The following DOK5 variants were observed in gnomAD, a reference collection of about 807,000 sequenced individuals.
The protein encoded by DOK5 is downstream of tyrosine kinase 5.
DOK5 carries 27 observed loss-of-function variants against 43.3 expected under a neutral mutation model. The ratio of observed to expected loss-of-function variants is 0.62; its 90% CI spans 0.46 to 0.86. The LOEUF (loss-of-function observed/expected upper bound fraction) is 0.86. Among genes scored for constraint, DOK5 ranks in the 40% least tolerant of loss-of-function variants. DOK5 has a pLI of 0.00. For missense variants in DOK5, 373 were observed against 392.9 expected, an observed-to-expected ratio of 0.95 and a Z score of 0.43; for synonymous variants, 146 against 140.1, an observed-to-expected ratio of 1.04 and a Z score of -0.30.
intron 2 of DOK5, among the ~76,000 whole-genome samples, chr20:54,562,247 C>G (rs1182176330): frequency 1.3e-5 from 2 of 152,140 alleles, no homozygotes; most frequent in African/African-American, 2.4e-5. Context: ...TCTTGGCCTA[C>G]TTATACTAGT....
Position 54,603,912 on chromosome 20 carries a change from G to A in DOK5, c.600-6476G>A, listed in dbSNP as rs1986378309. Reference sequence around the variant, plus strand: ...GCTATAGCCTCAGGGGGAGGGGGAGGGGATTGTACTCCACTTGTTCAAACT... The same window carrying A: ...GCTATAGCCTCAGGGGGAGGGGGAGAGGATTGTACTCCACTTGTTCAAACT... On this transcript the variant is annotated intron_variant, in intron 5 of 7. Coordinates refer to ENST00000262593, the MANE Select transcript of DOK5 (RefSeq NM_018431.5). Among the ~76,000 whole-genome samples the A allele has an allele frequency of 3.3e-5, 5 of 151,728 alleles. 1 individual carries two copies. In the South Asian group the frequency reaches 1.0e-3, roughly 32 times the overall value.
intron 6 of DOK5, among the ~76,000 whole-genome samples, chr20:54,636,328 C>T (rs1406990682): frequency 6.6e-6 from 1 of 152,166 alleles, no homozygotes; most frequent in Non-Finnish European, 1.5e-5. Flanking sequence ...TGAGAGGGGC[C>T]TCAGTTCTTC....
chr20:54,571,804 T>C (rs1165876014), intron 2 of DOK5, among the ~76,000 whole-genome samples: 2 of 152,194 alleles, frequency 1.3e-5, no homozygotes, highest in African/African-American at 4.8e-5. Context: ...CCCTTTAGGA[T>C]CTAGCTCTGG....
At chr20:54,491,482 A>T (rs1405128750) in intron 1 of DOK5, among the ~76,000 whole-genome samples, 1 of 152,212 alleles carries the variant, frequency 6.6e-6, no homozygotes, top group African/African-American at 2.4e-5. Flanking sequence ...AGTCCCCAGG[A>T]CAGGCCAAAC....
At chr20:54,492,486 G>A (rs1379790547) in intron 1 of DOK5, among the ~76,000 whole-genome samples, 1 of 151,984 alleles carries the variant, frequency 6.6e-6, no homozygotes, top group East Asian at 1.9e-4. Flanking sequence ...TCCAGGTTTT[G>A]CTATATAAAC....
intron 2 of DOK5, among the ~76,000 whole-genome samples, chr20:54,585,894 G>A (rs1985788629): frequency 6.6e-6 from 1 of 152,202 alleles, no homozygotes. Context: ...GGCTGAGGCG[G>A]GCAGATCACC....
At chr20:54,641,373 G>A (rs1979102230) in intron 6 of DOK5, among the ~76,000 whole-genome samples, 2 of 151,928 alleles carry the variant, frequency 1.3e-5, no homozygotes, top group South Asian at 4.2e-4. Context: ...ACTACAATGA[G>A]TTTTGGTCTT....
chr20:54,517,659 C>T (rs991119699), intron 1 of DOK5, among the ~76,000 whole-genome samples: 3 of 152,050 alleles, frequency 2.0e-5, no homozygotes, highest in African/African-American at 7.2e-5. Flanking sequence ...TCTGCAGTGG[C>T]TGGAATATTT....
intron 2 of DOK5, among the ~76,000 whole-genome samples, chr20:54,570,273 A>G (rs2146746742): frequency 6.6e-6 from 1 of 152,360 alleles, no homozygotes; most frequent in Admixed American, 6.5e-5. Context: ...ATTTACTAAC[A>G]CTTCAGAAAC....
At chr20:54,548,543 A>G (rs1202682902) in intron 1 of DOK5, among the ~76,000 whole-genome samples, 2 of 152,134 alleles carry the variant, frequency 1.3e-5, no homozygotes, top group African/African-American at 2.4e-5. Context: ...AGCCAGGATT[A>G]ACTACTATTT....
At chr20:54,498,161 A>G (rs919328104) in intron 1 of DOK5, among the ~76,000 whole-genome samples, 1 of 152,162 alleles carries the variant, frequency 6.6e-6, no homozygotes, top group African/African-American at 2.4e-5. Flanking sequence ...TTCACTGTAT[A>G]TTTTGTGTTG....
intron 6 of DOK5, among the ~76,000 whole-genome samples, chr20:54,611,013 G>A (rs915573911): frequency 1.3e-5 from 2 of 152,174 alleles, no homozygotes; most frequent in African/African-American, 4.8e-5. Flanking sequence ...GGAAGCCAAA[G>A]ATTTGAGTCT....
intron 5 of DOK5, 128 bp from the exon 6 acceptor site, chr20:54,610,256 CTTTG>C: frequency 1.0e-6 from 1 of 997,206 alleles, no homozygotes; most frequent in African/African-American, 1.6e-5. Flanking sequence ...TTCTAGTTAA[CTTTG>C]TTTAACAAAT....
intron 2 of DOK5, among the ~76,000 whole-genome samples, chr20:54,581,530 T>G (rs1180715069): frequency 1.3e-5 from 2 of 151,932 alleles, no homozygotes; most frequent in African/African-American, 4.8e-5. Flanking sequence ...ACAGGATGCC[T>G]TTCAATTTAT....
chr20:54,520,455 G>T (rs1819084584), intron 1 of DOK5, among the ~76,000 whole-genome samples: 1 of 151,946 alleles, frequency 6.6e-6, no homozygotes, highest in Non-Finnish European at 1.5e-5. Flanking sequence ...TTTTGAGACT[G>T]TAAGATCATA....
chr20:54,642,655 G>A (rs1289650858), intron 6 of DOK5, among the ~76,000 whole-genome samples: 4 of 152,144 alleles, frequency 2.6e-5, no homozygotes, highest in South Asian at 2.1e-4. Flanking sequence ...GCCCAGAGGC[G>A]GAGGTTGCAG....
intron 1 of DOK5, among the ~76,000 whole-genome samples, chr20:54,503,270 ATTTC>A (rs888754209): frequency 1.4e-4 from 21 of 152,308 alleles, no homozygotes; most frequent in African/African-American, 4.6e-4. Context: ...ATCAAAGTAT[ATTTC>A]TTTATTATTC....
At chr20:54,520,502 G>A (rs137863153) in intron 1 of DOK5, among the ~76,000 whole-genome samples, 1 of 152,148 alleles carries the variant, frequency 6.6e-6, no homozygotes, top group East Asian at 1.9e-4. Flanking sequence ...GTCTTGGCCA[G>A]GTAAGGTGGC....
chr20:54,502,656 AT>A (rs749305109), intron 1 of DOK5, among the ~76,000 whole-genome samples: 2 of 152,064 alleles, frequency 1.3e-5, no homozygotes, highest in African/African-American at 4.8e-5. Flanking sequence ...TGTACACCGC[AT>A]TTTTTCCCCA....
Sources: gnomAD v4.1 joint callset for allele counts (sites outside exome capture counted in the v4.1 genomes callset) on GRCh38, gnomAD v4.1.1 for gene constraint, MANE v1.5 for transcripts, NCBI Gene and HGNC (gene_info 2026-07-23, HGNC 2026-07-21) for gene names.